FHIT: variants seen among roughly 807,000 people sequenced by gnomAD.
FHIT encodes fragile histidine triad diadenosine triphosphatase, also known as bis(5'-adenosyl)-triphosphatase.
FHIT carries 19 observed loss-of-function variants against 17.9 expected under a neutral mutation model. The observed-to-expected ratio is 1.06, with a 90% confidence interval of 0.74 to 1.56. The LOEUF is 1.56. Ranked by LOEUF, FHIT falls within the 40% of genes most tolerant of loss-of-function variation. The pLI, the probability that FHIT is intolerant of heterozygous loss-of-function variation, is 0.00. For synonymous variants in FHIT, 81 were observed against 69.7 expected (o/e 1.16, Z -0.81); for missense variants, 248 against 189.2 (o/e 1.31, Z -1.82).
At chr3:59,848,918 T>C (rs561398441) in intron 8 of FHIT, among the ~76,000 whole-genome samples, 6 of 152,350 alleles carry the variant, frequency 3.9e-5, no homozygotes, top group African/African-American at 1.4e-4. Context: ...TGTCATTCTT[T>C]GTTTTTATAT....
At chr3:61,152,567 G>C (rs150812053) in intron 2 of FHIT, among the ~76,000 whole-genome samples, 2 of 152,034 alleles carry the variant, frequency 1.3e-5, no homozygotes, top group Admixed American at 1.3e-4. Context: ...CTGAAGTTGG[G>C]GTGCTCTGAC....
intron 5 of FHIT, among the ~76,000 whole-genome samples, chr3:60,171,636 G>T (rs1254589368): frequency 6.6e-6 from 1 of 152,040 alleles, no homozygotes; most frequent in African/African-American, 2.4e-5. Context: ...TCTATTCTTG[G>T]AATTTTTTAA....
At chr3:60,243,330 T>C (rs891939124) in intron 5 of FHIT, among the ~76,000 whole-genome samples, 3 of 152,184 alleles carry the variant, frequency 2.0e-5, no homozygotes, top group East Asian at 1.9e-4. Flanking sequence ...AAAGCTAACA[T>C]TCTAGTGGGG....
At chr3:59,917,317 C>A (rs934862465) in intron 8 of FHIT, among the ~76,000 whole-genome samples, 5 of 152,202 alleles carry the variant, frequency 3.3e-5, no homozygotes, top group South Asian at 2.1e-4. Context: ...ATATACAGTG[C>A]ACAGTCACAA....
chr3:60,538,028 C>T (rs1482709250), intron 4 of FHIT, among the ~76,000 whole-genome samples: 1 of 152,098 alleles, frequency 6.6e-6, no homozygotes, highest in Non-Finnish European at 1.5e-5. Flanking sequence ...TTAGAAACTC[C>T]AAAGTGATGT....
chr3:61,166,108 C>G (rs6801782), intron 2 of FHIT, among the ~76,000 whole-genome samples: 6,621 of 152,210 alleles, frequency 0.043, 345 homozygotes, highest in East Asian at 0.26. Context: ...TTACTGTCTT[C>G]TAGCTGATGC....
chr3:59,832,236 C>A (rs562731674), intron 8 of FHIT, among the ~76,000 whole-genome samples: 1 of 152,122 alleles, frequency 6.6e-6, no homozygotes, highest in East Asian at 1.9e-4. Flanking sequence ...GTTTCAGGAG[C>A]CATGGGAGCA....
chr3:61,124,901 C>T (rs1254950139), intron 2 of FHIT, among the ~76,000 whole-genome samples: 2 of 152,138 alleles, frequency 1.3e-5, no homozygotes, highest in South Asian at 4.1e-4. Context: ...CCAACATGTC[C>T]CCAATTACTT....
At chr3:59,967,478 G>A (rs1186887049) in intron 7 of FHIT, among the ~76,000 whole-genome samples, 1 of 152,148 alleles carries the variant, frequency 6.6e-6, no homozygotes, top group African/African-American at 2.4e-5. Flanking sequence ...ACATTGCAAG[G>A]CAGTAGGAAA....
At chr3:59,904,467 G>C (rs867607776) in intron 8 of FHIT, among the ~76,000 whole-genome samples, 1 of 152,080 alleles carries the variant, frequency 6.6e-6, no homozygotes, top group Admixed American at 6.6e-5. Flanking sequence ...AAAATTATGG[G>C]ATTTCCCTTC....
intron 2 of FHIT, among the ~76,000 whole-genome samples, chr3:61,140,022 C>CAAAAAAA (rs112352685): frequency 9.1e-6 from 1 of 110,052 alleles, no homozygotes; most frequent in African/African-American, 3.3e-5. Flanking sequence ...CAAGAGAAAG[C>CAAAAAAA]AAAAAAAAAA....
At chr3:60,042,026 T>C (rs947105613) in intron 5 of FHIT, among the ~76,000 whole-genome samples, 3 of 152,224 alleles carry the variant, frequency 2.0e-5, no homozygotes, top group Non-Finnish European at 1.5e-5. Flanking sequence ...TCTGCAATCA[T>C]GGCCGCCTTT....
chr3:60,942,037 G>T (rs181408694), intron 3 of FHIT, among the ~76,000 whole-genome samples: 1 of 152,168 alleles, frequency 6.6e-6, no homozygotes, highest in East Asian at 1.9e-4. Flanking sequence ...GCCCAGGGTG[G>T]TACAATGGCA....
At chr3:60,403,618 C>A (rs1326869582) in intron 5 of FHIT, among the ~76,000 whole-genome samples, 3 of 152,068 alleles carry the variant, frequency 2.0e-5, no homozygotes, top group Admixed American at 2.0e-4. Context: ...GTCATTAGAC[C>A]CCCATTCCAG....
At chr3:60,194,330 C>T (rs533027412) in intron 5 of FHIT, among the ~76,000 whole-genome samples, 1 of 152,014 alleles carries the variant, frequency 6.6e-6, no homozygotes, top group Non-Finnish European at 1.5e-5. Context: ...AAAACATAAA[C>T]TGGGGAAAGG....
At chr3:60,691,853 A>G (rs918823195) in intron 4 of FHIT, among the ~76,000 whole-genome samples, 23 of 152,300 alleles carry the variant, frequency 1.5e-4, no homozygotes, top group Middle Eastern at 6.8e-3. Flanking sequence ...TGAGGATGAC[A>G]AAAAATCCCT....
At chr3:60,380,220 G>T (rs1700740309) in intron 5 of FHIT, among the ~76,000 whole-genome samples, 1 of 152,112 alleles carries the variant, frequency 6.6e-6, no homozygotes, top group Non-Finnish European at 1.5e-5. Flanking sequence ...CCTCCCCATG[G>T]TAATGAGTGG....
At chr3:59,893,994 G>T (rs1340704325) in intron 8 of FHIT, among the ~76,000 whole-genome samples, 1 of 152,188 alleles carries the variant, frequency 6.6e-6, no homozygotes, top group Admixed American at 6.5e-5. Flanking sequence ...GCAGGGAGCA[G>T]TGGCTCATGC....
At chr3:60,130,904 T>C (rs1273012069) in intron 5 of FHIT, among the ~76,000 whole-genome samples, 1 of 150,070 alleles carries the variant, frequency 6.7e-6, no homozygotes, top group Non-Finnish European at 1.5e-5. Context: ...TACACATATA[T>C]ACACATATAT....
Sources: allele counts gnomAD v4.1 joint callset (sites outside exome capture counted in the v4.1 genomes callset), GRCh38; gene constraint gnomAD v4.1.1; transcripts MANE v1.5; gene names NCBI Gene and HGNC (gene_info 2026-07-23, HGNC 2026-07-21).